Variants in CNDP1 observed in about 807,000 individuals in gnomAD.
CNDP1 encodes beta-Ala-His dipeptidase.
Under a neutral mutation model 58.1 loss-of-function variants are expected in CNDP1, and 44 were observed. That is an observed-to-expected ratio of 0.76 (90% confidence interval 0.60 to 0.97). CNDP1 has a LOEUF of 0.97. Ranked by LOEUF, CNDP1 falls within the 50% of genes least tolerant of loss-of-function variation. The pLI, the probability that CNDP1 is intolerant of heterozygous loss-of-function variation, is 0.00. For synonymous variants in CNDP1, 254 were observed against 252.6 expected (o/e 1.01, Z -0.05); for missense variants, 616 against 655.1 (o/e 0.94, Z 0.65).
chr18:74,569,072 G>T (rs1049218720), intron 6 of CNDP1, among the ~76,000 whole-genome samples: 1 of 152,170 alleles, frequency 6.6e-6, no homozygotes, highest in Non-Finnish European at 1.5e-5. Flanking sequence ...TCTTAATGAA[G>T]ACCGAGAACA....
intron 1 of CNDP1, among the ~76,000 whole-genome samples, chr18:74,555,836 C>T (rs1981023779): frequency 1.3e-5 from 2 of 152,154 alleles, no homozygotes; most frequent in Admixed American, 6.5e-5. Context: ...GTTTTTCTTC[C>T]TTTCCTGTTA....
chr18:74,581,151 G>A (rs1170053361), intron 10 of CNDP1, among the ~76,000 whole-genome samples: 1 of 152,094 alleles, frequency 6.6e-6, no homozygotes, highest in Admixed American at 6.5e-5. Flanking sequence ...GGGCCAGAGT[G>A]AGGCAGGAAG....
intron 5 of CNDP1, among the ~76,000 whole-genome samples, chr18:74,562,986 C>T (rs926539709): frequency 6.6e-6 from 1 of 152,182 alleles, no homozygotes; most frequent in Admixed American, 6.5e-5. Flanking sequence ...TTCATCTCCC[C>T]TGTCCTGGAC....
Position 74,562,071 on chromosome 18 carries a change from C to T in CNDP1, c.491C>T (p.Thr164Ile), listed in dbSNP as rs1981215249. The T allele has an allele frequency of 6.2e-7, 1 of 1,614,002 alleles. No individual in the cohort carries two copies. Among genetic ancestry groups the T allele is most frequent in the Non-Finnish European group, 8.5e-7 (1 of 1,180,000 alleles). The change falls in exon 5 of 12, where the codon ACC becomes ATC. Residue 164 changes from threonine to isoleucine, a missense_variant. Coordinates refer to ENST00000358821, the MANE Select transcript of CNDP1 (RefSeq NM_032649.6). ...GGGAAACTTTATGGACGAGGAGCGA[C>T]CGACAACAAAGGCCCTGTCTTGGCT... ...VDGKLYGRGA[T>I]DNKGPVLAWI...
At chr18:74,552,296 C>T (rs1218652798) in intron 1 of CNDP1, among the ~76,000 whole-genome samples, 1 of 152,176 alleles carries the variant, frequency 6.6e-6, no homozygotes, top group Non-Finnish European at 1.5e-5. Context: ...TGATATAATT[C>T]TTATACCTTA....
Position 74,562,144 on chromosome 18 carries a change from C to A in CNDP1, c.555+9C>A. 1 of 1,613,370 alleles carries A rather than the reference C, an allele frequency of 6.2e-7. No homozygotes were observed. The highest frequency in any genetic ancestry group is 8.5e-7 in the Non-Finnish European group (1 of 1,179,366). On this transcript the variant is annotated intron_variant, in intron 5 of 11. Coordinates refer to ENST00000358821, the MANE Select transcript of CNDP1 (RefSeq NM_032649.6). Reference sequence around the variant, plus strand: ...TCAGAGCCCTGGAGCAAGTAGGTGGCAGCTGTGTTTGGGAGAGAGGAGGAG... The same window carrying A: ...TCAGAGCCCTGGAGCAAGTAGGTGGAAGCTGTGTTTGGGAGAGAGGAGGAG...
chr18:74,554,859 A>T (rs1246799910), intron 1 of CNDP1, among the ~76,000 whole-genome samples: 5 of 152,204 alleles, frequency 3.3e-5, no homozygotes. Context: ...GGATTAGAGG[A>T]AGCCATGAAA....
intron 6 of CNDP1, among the ~76,000 whole-genome samples, chr18:74,567,962 C>A (rs1226197381): frequency 1.3e-5 from 2 of 152,160 alleles, no homozygotes; most frequent in Admixed American, 1.3e-4. Context: ...TGGTTTCCCA[C>A]CTTGAAAGAT....
intron 9 of CNDP1, 102 bp from the exon 10 acceptor site, chr18:74,580,028 C>T (rs1981748129): frequency 5.0e-6 from 5 of 994,120 alleles, no homozygotes; most frequent in African/African-American, 1.6e-5. Flanking sequence ...ATGGAAGAGG[C>T]TATATTAACT....
intron 6 of CNDP1, among the ~76,000 whole-genome samples, 169 bp downstream of exon 6, chr18:74,567,602 T>G (rs76713487): frequency 3.3e-5 from 5 of 151,910 alleles, no homozygotes; most frequent in Admixed American, 3.3e-4. Context: ...GGTCTTGGGG[T>G]TTGGGGAGGT....
intron 6 of CNDP1, among the ~76,000 whole-genome samples, chr18:74,569,856 T>C (rs1010813795): frequency 3.3e-5 from 5 of 152,036 alleles, no homozygotes; most frequent in African/African-American, 1.2e-4. Flanking sequence ...TGTTATAGAC[T>C]GAACATTCCA....
intron 9 of CNDP1, 44 bp downstream of exon 9, chr18:74,578,371 G>T (rs756820884): frequency 6.4e-7 from 1 of 1,555,402 alleles, no homozygotes; most frequent in Non-Finnish European, 8.8e-7. Flanking sequence ...CAGTAACATG[G>T]TTTCTGAATC....
chr18:74,543,509 C>T lies in CNDP1; in HGVS notation c.24+8818C>T, dbSNP rs113273353. ...TCCTGTCTCAAAAAATAAAACAAAA[C>T]AAAATAAAATAAAATAAAATAAAAT... is the stretch of plus-strand genomic sequence containing the variant. On this transcript the variant is annotated intron_variant, in intron 1 of 11. Transcript: ENST00000358821. Among the ~76,000 whole-genome samples, 488 of 148,762 alleles carry T rather than the reference C, an allele frequency of 3.3e-3. 3 individuals carry two copies. Among genetic ancestry groups the T allele is most frequent in the African/African-American group, 0.011 (452 of 40,174 alleles).
intron 1 of CNDP1, among the ~76,000 whole-genome samples, chr18:74,549,353 T>C (rs959042140): frequency 5.9e-5 from 9 of 152,262 alleles, no homozygotes; most frequent in African/African-American, 1.2e-4. Flanking sequence ...GAATCTGAAA[T>C]AGATGTTCTG....
intron 1 of CNDP1, among the ~76,000 whole-genome samples, chr18:74,555,471 C>T (rs1365343277): frequency 1.3e-5 from 2 of 152,142 alleles, no homozygotes; most frequent in African/African-American, 4.8e-5. Flanking sequence ...TGCAGGTGGC[C>T]CCTGGGTCTG....
chr18:74,538,255 A>G (rs1268948773), intron 1 of CNDP1, among the ~76,000 whole-genome samples: 1 of 152,076 alleles, frequency 6.6e-6, no homozygotes, highest in African/African-American at 2.4e-5. Flanking sequence ...AGATTTCCCT[A>G]TTCTGGACTT....
chr18:74,540,157 CTTTTT>C (rs34321505), intron 1 of CNDP1, among the ~76,000 whole-genome samples: 1 of 135,246 alleles, frequency 7.4e-6, no homozygotes. Context: ...TGGTATAAAT[CTTTTT>C]TTTTTTTTTT....
intron 7 of CNDP1, among the ~76,000 whole-genome samples, chr18:74,573,665 G>T (rs949410907): frequency 6.6e-6 from 1 of 152,222 alleles, no homozygotes; most frequent in Non-Finnish European, 1.5e-5. Context: ...TGTTTTACCA[G>T]AATGAATGTT....
intron 1 of CNDP1, among the ~76,000 whole-genome samples, chr18:74,555,924 T>C (rs954304896): frequency 6.6e-6 from 1 of 152,210 alleles, no homozygotes; most frequent in Non-Finnish European, 1.5e-5. Context: ...AATTCTTTTG[T>C]CTAATAGAGC....
Sources: allele counts gnomAD v4.1 joint callset (sites outside exome capture counted in the v4.1 genomes callset), GRCh38; gene constraint gnomAD v4.1.1; transcripts MANE v1.5; gene names NCBI Gene and HGNC (gene_info 2026-07-23, HGNC 2026-07-21).